Variants in SLC38A6 observed in about 807,000 individuals in gnomAD.
SLC38A6 encodes the protein solute carrier family 38 member 6.
SLC38A6 carries 73 observed loss-of-function variants against 65.0 expected under a neutral mutation model. That is an observed-to-expected ratio of 1.12 (90% confidence interval 0.93 to 1.37). SLC38A6 has a LOEUF of 1.37. Ranked by LOEUF, SLC38A6 falls within the 40% of genes most tolerant of loss-of-function variation. SLC38A6 has a pLI of 0.00. For synonymous variants in SLC38A6, 183 were observed against 178.8 expected, an observed-to-expected ratio of 1.02 and a Z score of -0.19; for missense variants, 561 against 531.1, an observed-to-expected ratio of 1.06 and a Z score of -0.55.
intron 4 of SLC38A6, among the ~76,000 whole-genome samples, chr14:61,017,999 T>C (rs2040120541): frequency 6.6e-6 from 1 of 152,206 alleles, no homozygotes; most frequent in East Asian, 1.9e-4. Context: ...TATAAATTGG[T>C]ATTTATTCAC....
At chr14:61,008,554 TTAGTG>T (rs1193960153) in intron 3 of SLC38A6, among the ~76,000 whole-genome samples, 3 of 152,188 alleles carry the variant, frequency 2.0e-5, no homozygotes, top group Admixed American at 6.5e-5. Context: ...GCTATTCTCT[TTAGTG>T]TAAGCACTTT....
At chr14:61,011,991 C>T (rs1055220143) in intron 3 of SLC38A6, among the ~76,000 whole-genome samples, 6 of 152,130 alleles carry the variant, frequency 3.9e-5, no homozygotes, top group African/African-American at 1.4e-4. Flanking sequence ...TGGTAAAATT[C>T]GGCTGTGATT....
At chr14:60,995,661 A>T (rs1594988695) in intron 3 of SLC38A6, among the ~76,000 whole-genome samples, 1 of 152,144 alleles carries the variant, frequency 6.6e-6, no homozygotes, top group Non-Finnish European at 1.5e-5. Context: ...AGGAAAGAAA[A>T]GATAACTGTG....
downstream of SLC38A6, among the ~76,000 whole-genome samples, chr14:61,055,118 CT>C (rs1219357097): frequency 6.1e-5 from 6 of 98,652 alleles, no homozygotes; most frequent in East Asian, 3.3e-4. Context: ...TTTTTTTTTT[CT>C]TTTTTTTTTT....
chr14:61,069,850 C>G (rs1273194579), intron 15 of SLC38A6, among the ~76,000 whole-genome samples: 1 of 152,114 alleles, frequency 6.6e-6, no homozygotes, highest in Non-Finnish European at 1.5e-5. Flanking sequence ...AGTTTTCCTC[C>G]TTGGAAGCAA....
chr14:61,055,288 C>A, downstream of SLC38A6, among the ~76,000 whole-genome samples: 1 of 52,478 alleles, frequency 1.9e-5, no homozygotes, highest in African/African-American at 7.1e-5. Flanking sequence ...CCACCACAGT[C>A]CCCAGAGTGT....
chr14:61,032,705 A>G (rs2041083820), intron 6 of SLC38A6, among the ~76,000 whole-genome samples: 1 of 151,868 alleles, frequency 6.6e-6, no homozygotes. Flanking sequence ...ATAAATCATT[A>G]GTCTTGAAAG....
At chr14:61,036,960 CTGTGTGTGTGTGTGTGTGTGTG>C (rs34977105) in intron 6 of SLC38A6, 77 bp from the exon 7 acceptor site, 13 of 438,294 alleles carry the variant, frequency 3.0e-5, no homozygotes, top group African/African-American at 6.9e-5. Flanking sequence ...GGTTATAACT[CTGTGTGTGTGTGTGTGTGTGTG>C]TGTGTGTGTG....
At chr14:61,013,760 A>G (rs535384810) in intron 3 of SLC38A6, among the ~76,000 whole-genome samples, 1 of 152,198 alleles carries the variant, frequency 6.6e-6, no homozygotes. Flanking sequence ...ATCAGCTGTT[A>G]GTCTGATGGG....
At chr14:61,034,828 G>C (rs986443264) in intron 6 of SLC38A6, among the ~76,000 whole-genome samples, 1 of 152,076 alleles carries the variant, frequency 6.6e-6, no homozygotes, top group South Asian at 2.1e-4. Context: ...ATAGTTTCTG[G>C]CATATGTATT....
At chr14:61,065,892 C>G (rs1355473171) in intron 15 of SLC38A6, among the ~76,000 whole-genome samples, 1 of 152,126 alleles carries the variant, frequency 6.6e-6, no homozygotes, top group Non-Finnish European at 1.5e-5. Flanking sequence ...TACTTCCACT[C>G]TGGCTGGCTG....
chr14:61,051,942 T>G lies in SLC38A6; in HGVS notation c.1195+11T>G. 1 of 1,605,378 alleles carries G rather than the reference T, an allele frequency of 6.2e-7. No homozygotes were observed. The highest frequency in any genetic ancestry group is 8.5e-7 in the Non-Finnish European group (1 of 1,177,738). On this transcript the variant is annotated intron_variant, in intron 14 of 15. Transcript: ENST00000267488. The stretch of plus-strand genomic sequence containing the variant: ...TATTTGGTGTAGTTGGTAAGTTTTC[T>G]GTTTCAAAAAGTTCACATAATAAAA...
intron 3 of SLC38A6, among the ~76,000 whole-genome samples, chr14:60,985,413 A>G (rs2037381981): frequency 1.3e-5 from 2 of 152,194 alleles, no homozygotes; most frequent in African/African-American, 4.8e-5. Context: ...TTCTTTTAGG[A>G]TCCAGTAAAT....
At chr14:61,026,279 G>A (rs930768401) in intron 5 of SLC38A6, among the ~76,000 whole-genome samples, 5 of 152,084 alleles carry the variant, frequency 3.3e-5, no homozygotes, top group African/African-American at 1.2e-4. Flanking sequence ...TTTCAGTGGA[G>A]TGTTAATATT....
chr14:61,032,105 C>A (rs1247014986), intron 6 of SLC38A6, among the ~76,000 whole-genome samples: 6 of 151,892 alleles, frequency 4.0e-5, no homozygotes, highest in African/African-American at 1.4e-4. Flanking sequence ...CTAATAATTA[C>A]TATATTAAAC....
chr14:61,075,333 C>T (rs902179852), intron 15 of SLC38A6, among the ~76,000 whole-genome samples: 1 of 152,272 alleles, frequency 6.6e-6, no homozygotes, highest in Admixed American at 6.5e-5. Flanking sequence ...CACATACAGC[C>T]TTATGCTATC....
intron 8 of SLC38A6, 115 bp downstream of exon 8, chr14:61,037,798 T>C: frequency 1.5e-6 from 1 of 656,100 alleles, no homozygotes; most frequent in Non-Finnish European, 2.5e-6. Context: ...TTTATTTCAC[T>C]GTGTTATTAA....
At chr14:61,017,434 A>T (rs1045159572) in intron 4 of SLC38A6, among the ~76,000 whole-genome samples, 3 of 152,234 alleles carry the variant, frequency 2.0e-5, no homozygotes, top group African/African-American at 7.2e-5. Context: ...TAAACAAAAC[A>T]GAATATGTTA....
chr14:61,049,757 A>G (rs1026423692), intron 12 of SLC38A6, among the ~76,000 whole-genome samples: 1 of 152,114 alleles, frequency 6.6e-6, no homozygotes, highest in African/African-American at 2.4e-5. Context: ...TTCTATTTTA[A>G]GTACAAACTG....
Sources: gnomAD v4.1 joint callset for allele counts (sites outside exome capture counted in the v4.1 genomes callset) on GRCh38, gnomAD v4.1.1 for gene constraint, MANE v1.5 for transcripts, NCBI Gene and HGNC (gene_info 2026-07-23, HGNC 2026-07-21) for gene names.